Variants in TEX11 observed in about 807,000 individuals in gnomAD.
TEX11 encodes testis-expressed protein 11.
TEX11 carries 7 observed loss-of-function variants against 84.4 expected under a neutral mutation model. That is an observed-to-expected ratio of 0.08 (90% confidence interval 0.05 to 0.16). The LOEUF is 0.16. Among genes scored for constraint, TEX11 ranks in the 10% least tolerant of loss-of-function variants. The pLI is 1.00. For missense variants in TEX11, 551 were observed against 660.5 expected (o/e 0.83, Z 1.82); for synonymous variants, 264 against 222.8 (o/e 1.18, Z -1.64).
At chrX:70,536,009 A>C (rs2087953278) in intron 28 of TEX11, among the ~76,000 whole-genome samples, 2 of 111,004 alleles carry the variant, frequency 1.8e-5, no homozygotes, top group Non-Finnish European at 3.8e-5. Flanking sequence ...CCATGATTTA[A>C]AAAAATGCTT....
Position 70,640,139 on chromosome X carries a change from C to T in TEX11, c.1484-10404G>A, listed in dbSNP as rs765045741. Among the ~76,000 whole-genome samples the T allele has an allele frequency of 5.7e-3, 626 of 108,895 alleles. 5 individuals are homozygous for T. The highest frequency in any genetic ancestry group is 0.02 in the African/African-American group (599 of 29,965). 94.6% of individuals were successfully genotyped at this position (108,895 alleles called of 115,157 possible). A position where few individuals can be genotyped will look rare whatever the true frequency, so the allele number is the denominator to read the frequency against. On this transcript the variant is annotated intron_variant, in intron 17 of 29. Coordinates refer to ENST00000374333, the MANE Select transcript of TEX11 (RefSeq NM_031276.3). ...TGAAGAATGCAGAAGCCTCAGGAGCCGATGCGATCAACTGGAAGAAAGGGT... is the reference window on the plus strand; with the variant it reads ...TGAAGAATGCAGAAGCCTCAGGAGCTGATGCGATCAACTGGAAGAAAGGGT...
At chrX:70,782,645 C>CAAAAAAAAAA (rs780011355) in intron 9 of TEX11, among the ~76,000 whole-genome samples, 5 of 28,906 alleles carry the variant, frequency 1.7e-4, no homozygotes, top group African/African-American at 4.0e-4. Flanking sequence ...AAATGGAAAG[C>CAAAAAAAAAA]AAAAAAAAAA....
At chrX:70,887,910 T>C (rs1265276912) in intron 2 of TEX11, among the ~76,000 whole-genome samples, 3 of 112,381 alleles carry the variant, frequency 2.7e-5, no homozygotes, top group African/African-American at 9.7e-5. Context: ...TGGGAGAAAG[T>C]AAGAGAAAAG....
intron 14 of TEX11, 137 bp from the exon 15 acceptor site, chrX:70,679,026 G>T: frequency 4.0e-6 from 2 of 505,009 alleles, no homozygotes; most frequent in South Asian, 3.8e-5. Flanking sequence ...GCTGAAGCTG[G>T]ACGGTACTGC....
intron 25 of TEX11, among the ~76,000 whole-genome samples, chrX:70,561,963 C>G (rs2088382489): frequency 8.9e-6 from 1 of 112,073 alleles, no homozygotes; most frequent in Non-Finnish European, 1.9e-5. Flanking sequence ...CTGAACCAAG[C>G]TGTATAGGAA....
the TEX11 span, among the ~76,000 whole-genome samples, chrX:70,512,233 C>CTTA: frequency 2.8e-5 from 3 of 107,112 alleles, no homozygotes; most frequent in African/African-American, 1.1e-4. Flanking sequence ...GCATTTTCTT[C>CTTA]TTCTTATTAT....
chrX:70,608,224 T>G (rs899213552), intron 22 of TEX11, among the ~76,000 whole-genome samples: 1 of 112,269 alleles, frequency 8.9e-6, no homozygotes, highest in Non-Finnish European at 1.9e-5. Flanking sequence ...CCAGAAACCC[T>G]GAAGCTCCTA....
intron 9 of TEX11, among the ~76,000 whole-genome samples, chrX:70,780,627 C>G (rs986494699): frequency 8.9e-6 from 1 of 112,708 alleles, no homozygotes; most frequent in African/African-American, 3.2e-5. Context: ...TTCCCACAGT[C>G]TTCACAACCG....
intron 15 of TEX11, among the ~76,000 whole-genome samples, chrX:70,671,910 T>TATAC (rs57166359): frequency 0.22 from 14,517 of 67,082 alleles, 2,128 homozygotes; most frequent in Non-Finnish European, 0.32. Flanking sequence ...TATATATATA[T>TATAC]ACACACACAC....
chrX:70,798,809 A>G (rs1385283128), intron 9 of TEX11, among the ~76,000 whole-genome samples: 1 of 111,905 alleles, frequency 8.9e-6, no homozygotes, highest in African/African-American at 3.2e-5. Context: ...TAAAATTGGA[A>G]CCTTATCTCC....
At chrX:70,829,854 T>TA (rs1320633483) in intron 8 of TEX11, among the ~76,000 whole-genome samples, 1 of 106,309 alleles carries the variant, frequency 9.4e-6, no homozygotes, top group African/African-American at 3.4e-5. Flanking sequence ...ACAACGAAAA[T>TA]AAAAAAATAA....
intron 9 of TEX11, among the ~76,000 whole-genome samples, chrX:70,779,453 G>A (rs2091023464): frequency 9.7e-6 from 1 of 103,437 alleles, no homozygotes; most frequent in African/African-American, 3.5e-5. Flanking sequence ...AGCAATAAAT[G>A]CCTACATCAA....
At chrX:70,610,985 G>A (rs758559542) in intron 20 of TEX11, among the ~76,000 whole-genome samples, 11 of 112,009 alleles carry the variant, frequency 9.8e-5, no homozygotes, top group Admixed American at 2.9e-4. Flanking sequence ...TGGAGGCTTG[G>A]AGTTTCACCT....
intron 11 of TEX11, among the ~76,000 whole-genome samples, chrX:70,732,883 G>T (rs983050054): frequency 9.0e-6 from 1 of 111,689 alleles, no homozygotes; most frequent in Non-Finnish European, 1.9e-5. Context: ...GAAGCATCAC[G>T]CTACCTGACT....
At chrX:70,602,001 T>A (rs2089123229) in intron 24 of TEX11, among the ~76,000 whole-genome samples, 1 of 111,277 alleles carries the variant, frequency 9.0e-6, no homozygotes, top group Non-Finnish European at 1.9e-5. Context: ...CGCCTTTCTA[T>A]TCCACAAAAC....
chrX:70,677,288 T>C (rs750129973), intron 15 of TEX11, among the ~76,000 whole-genome samples: 1 of 111,882 alleles, frequency 8.9e-6, no homozygotes, highest in African/African-American at 3.2e-5. Context: ...GGACTAATTA[T>C]TCCCCTCTTC....
chrX:70,669,699 C>T lies in TEX11; in HGVS notation c.1380+678G>A, dbSNP rs148927547. 5.4e-3 allele frequency among the ~76,000 whole-genome samples: 612 copies of T among 112,856 alleles called. 4 individuals are homozygous for T. The highest frequency in any genetic ancestry group is 0.019 in the African/African-American group (595 of 31,179). ...CTAGGTGAACAAAGGTTAGACCTGT[C>T]ATTAAAACTTGAAAGGCAACAAAAA... On this transcript the variant is annotated intron_variant, in intron 16 of 29. Coordinates refer to ENST00000374333, the MANE Select transcript of TEX11 (RefSeq NM_031276.3).
At chrX:70,572,988 A>T in intron 25 of TEX11, among the ~76,000 whole-genome samples, 1 of 111,198 alleles carries the variant, frequency 9.0e-6, no homozygotes, top group South Asian at 3.8e-4. Context: ...GTACCCTAAA[A>T]CTTAAAGTAT....
At chrX:70,563,287 T>A (rs2088401716) in intron 25 of TEX11, among the ~76,000 whole-genome samples, 1 of 111,910 alleles carries the variant, frequency 8.9e-6, no homozygotes, top group African/African-American at 3.2e-5. Context: ...TCCCACATGT[T>A]CTGATTCACA....
Sources: gnomAD v4.1 joint callset for allele counts (sites outside exome capture counted in the v4.1 genomes callset) on GRCh38, gnomAD v4.1.1 for gene constraint, MANE v1.5 for transcripts, NCBI Gene and HGNC (gene_info 2026-07-23, HGNC 2026-07-21) for gene names.